LRRTM3: variants seen among roughly 807,000 people sequenced by gnomAD.
The protein encoded by LRRTM3 is leucine rich repeat transmembrane neuronal 3.
Under a neutral mutation model 44.7 loss-of-function variants are expected in LRRTM3, and 24 were observed. The observed-to-expected ratio is 0.54, with a 90% CI of 0.39 to 0.76. LRRTM3 has a LOEUF of 0.76. Ranked by LOEUF, LRRTM3 falls within the 30% of genes least tolerant of loss-of-function variation. The pLI, the probability that LRRTM3 is intolerant of heterozygous loss-of-function variation, is 0.00. For missense variants in LRRTM3, 587 were observed against 702.2 expected (o/e 0.84, Z 1.85); for synonymous variants, 277 against 278.7 (o/e 0.99, Z 0.06).
chr10:67,074,601 C>T (rs563073911), intron 2 of LRRTM3, among the ~76,000 whole-genome samples: 7 of 151,448 alleles, frequency 4.6e-5, no homozygotes, highest in South Asian at 4.2e-4. Context: ...CCACCCACCT[C>T]GGGTTCCCAA....
intron 2 of LRRTM3, among the ~76,000 whole-genome samples, chr10:66,937,045 C>T (rs773498734): frequency 6.6e-6 from 1 of 152,050 alleles, no homozygotes. Context: ...GGAGCCAAGG[C>T]AGGGTAAATA....
intron 2 of LRRTM3, among the ~76,000 whole-genome samples, chr10:67,026,907 C>A (rs1853425660): frequency 6.6e-6 from 1 of 152,134 alleles, no homozygotes; most frequent in Admixed American, 6.5e-5. Context: ...AATTTAAGAT[C>A]ACATTAAAAT....
intron 2 of LRRTM3, among the ~76,000 whole-genome samples, chr10:67,009,284 A>C (rs1423930574): frequency 6.6e-6 from 1 of 151,980 alleles, no homozygotes; most frequent in Non-Finnish European, 1.5e-5. Context: ...TCTTCCCATA[A>C]TAAATGTTGT....
intron 2 of LRRTM3, among the ~76,000 whole-genome samples, chr10:67,046,947 A>G (rs1419630250): frequency 6.6e-6 from 1 of 152,218 alleles, no homozygotes; most frequent in Non-Finnish European, 1.5e-5. Flanking sequence ...GTAAAGAAGA[A>G]ATAATTACCA....
At chr10:67,022,821 C>T (rs1853112108) in intron 2 of LRRTM3, among the ~76,000 whole-genome samples, 3 of 152,076 alleles carry the variant, frequency 2.0e-5, no homozygotes, top group Middle Eastern at 6.8e-3. Context: ...GCCTATAATC[C>T]CAGCTACTCA....
At chr10:67,008,504 T>C (rs1852137069) in intron 2 of LRRTM3, among the ~76,000 whole-genome samples, 1 of 152,200 alleles carries the variant, frequency 6.6e-6, no homozygotes, top group South Asian at 2.1e-4. Context: ...TTCAATTTTT[T>C]TTTACTTATA....
chr10:67,087,764 A>G (rs949084328), intron 2 of LRRTM3, among the ~76,000 whole-genome samples: 10 of 151,998 alleles, frequency 6.6e-5, no homozygotes, highest in African/African-American at 2.4e-4. Flanking sequence ...TATAGTTCCT[A>G]TAAAGCCCAG....
At chr10:67,063,750 A>G (rs1886724) in intron 2 of LRRTM3, among the ~76,000 whole-genome samples, 24,774 of 152,228 alleles carry the variant, frequency 0.16, 2,793 homozygotes, top group African/African-American at 0.32. Context: ...AAACTCTTAC[A>G]TACTCTCTTA....
chr10:66,978,541 A>ATAAAATAAAAATAAAAAAAATT (rs1437563245), intron 2 of LRRTM3, among the ~76,000 whole-genome samples: 2 of 111,196 alleles, frequency 1.8e-5, no homozygotes, highest in Non-Finnish European at 3.7e-5. Flanking sequence ...AAAAAAAAAA[A>ATAAAATAAAAATAAAAAAAATT]AAAAAAAAAA....
intron 2 of LRRTM3, among the ~76,000 whole-genome samples, chr10:66,955,263 T>C (rs975626056): frequency 6.6e-6 from 1 of 152,030 alleles, no homozygotes; most frequent in African/African-American, 2.4e-5. Flanking sequence ...CAATAGAGAA[T>C]AGGAAGAAAA....
intron 2 of LRRTM3, among the ~76,000 whole-genome samples, chr10:67,012,135 C>G (rs1464797719): frequency 1.3e-5 from 2 of 152,214 alleles, no homozygotes; most frequent in African/African-American, 2.4e-5. Context: ...TTCTTATCCA[C>G]TGTGCAGTGC....
chr10:67,094,299 C>T (rs996522351), intron 2 of LRRTM3, among the ~76,000 whole-genome samples: 6 of 151,658 alleles, frequency 4.0e-5, no homozygotes, highest in African/African-American at 4.8e-5. Flanking sequence ...GATATTCTAA[C>T]GAAATAAGTA....
chr10:67,045,269 AAC>A (rs1289677434), intron 2 of LRRTM3, among the ~76,000 whole-genome samples: 2 of 152,210 alleles, frequency 1.3e-5, no homozygotes, highest in Non-Finnish European at 1.5e-5. Context: ...GTAGAGTATA[AAC>A]ACAGATAAGA....
chr10:66,929,032 T>C (rs1381885399), intron 2 of LRRTM3, among the ~76,000 whole-genome samples: 3 of 152,176 alleles, frequency 2.0e-5, no homozygotes, highest in African/African-American at 7.2e-5. Context: ...CCCTGAGCAG[T>C]TTCCAGAGGT....
At chr10:66,949,628 G>T (rs1388195698) in intron 2 of LRRTM3, among the ~76,000 whole-genome samples, 1 of 151,696 alleles carries the variant, frequency 6.6e-6, no homozygotes, top group African/African-American at 2.4e-5. Flanking sequence ...AAAACATCCA[G>T]TCTGCAGTGA....
intron 2 of LRRTM3, among the ~76,000 whole-genome samples, chr10:66,967,151 AT>A (rs1337762209): frequency 1.3e-5 from 2 of 151,922 alleles, no homozygotes; most frequent in Non-Finnish European, 2.9e-5. Context: ...AAAATAGACT[AT>A]TTTTCTGGAA....
chr10:67,002,482 CTTTAA>C lies in LRRTM3; in HGVS notation c.1536+74036_1536+74040del, dbSNP rs1851745671. On this transcript the variant is annotated intron_variant, in intron 2 of 2. Coordinates refer to ENST00000361320, the MANE Select transcript of LRRTM3 (RefSeq NM_178011.5). ...AAATCCAAGCCATAGATAAGAGCTACTTTAATTTAACTGGTATTTATGGTTGAGGA... is the reference window on the plus strand; with the variant it reads ...AAATCCAAGCCATAGATAAGAGCTACTTTAACTGGTATTTATGGTTGAGGA... 4.6e-5 allele frequency among the ~76,000 whole-genome samples: 7 copies of C among 152,152 alleles called. No individual in the cohort carries two copies. The South Asian group carries it at 1.5e-3, about 32-fold the overall frequency.
chr10:66,926,879 T>A, intron 1 of LRRTM3, 42 bp from the exon 2 acceptor site: 4 of 1,509,428 alleles, frequency 2.7e-6, no homozygotes, highest in Non-Finnish European at 3.5e-6. Context: ...GGATTAATTC[T>A]TTTTTGGGGG....
chr10:66,926,519 T>A lies in LRRTM3; in HGVS notation c.-65T>A. 6.3e-7 allele frequency: 1 copy of A among 1,581,614 alleles called. No homozygotes were observed. Among genetic ancestry groups the A allele is most frequent in the Non-Finnish European group, 8.7e-7 (1 of 1,152,730 alleles). ...TCACTACAGTGCAGCTGACAGGGGC[T>A]GTCATGCAACTGGCCCCTAAGCCAA... On this transcript the variant is annotated 5_prime_UTR_variant, in exon 1 of 3. Coordinates refer to ENST00000361320, the MANE Select transcript of LRRTM3 (RefSeq NM_178011.5).
Sources: gnomAD v4.1 joint callset for allele counts (sites outside exome capture counted in the v4.1 genomes callset) on GRCh38, gnomAD v4.1.1 for gene constraint, MANE v1.5 for transcripts, NCBI Gene and HGNC (gene_info 2026-07-23, HGNC 2026-07-21) for gene names.